CCSER1: variants seen among roughly 807,000 people sequenced by gnomAD.
CCSER1 encodes the protein coiled-coil serine rich protein 1.
Under a neutral mutation model 82.0 loss-of-function variants are expected in CCSER1, and 41 were observed. The observed-to-expected ratio is 0.50, with a 90% CI of 0.39 to 0.65. The LOEUF is 0.65. CCSER1 is among the 30% of genes least tolerant of loss of function. The pLI is 0.00. For missense variants in CCSER1, 1,119 were observed against 1,064.2 expected (o/e 1.05, Z -0.72); for synonymous variants, 414 against 383.9 (o/e 1.08, Z -0.92).
chr4:91,206,236 A>G (rs1397430629), intron 10 of CCSER1, among the ~76,000 whole-genome samples: 1 of 151,900 alleles, frequency 6.6e-6, no homozygotes, highest in Non-Finnish European at 1.5e-5. Context: ...TGTTTGCTCC[A>G]TCAAGAGAAG....
chr4:91,167,723 AC>A lies in CCSER1; in HGVS notation c.2217+81731del, dbSNP rs1253170259. ...GTGGCTCAGGGAATATATATGATTT[AC>A]CTAAATTTACACAGCTGATTTACAG... is the stretch of plus-strand genomic sequence containing the variant. On this transcript the variant is annotated intron_variant, in intron 10 of 10. Transcript: ENST00000509176. Among the ~76,000 whole-genome samples, 8 of 152,346 alleles carry A rather than the reference AC, an allele frequency of 5.3e-5. No individual in the cohort carries two copies. In the South Asian group the frequency reaches 6.2e-4, roughly 12 times the overall value.
At chr4:90,975,244 T>A (rs1172273077) in intron 9 of CCSER1, among the ~76,000 whole-genome samples, 1 of 151,188 alleles carries the variant, frequency 6.6e-6, no homozygotes, top group Admixed American at 6.6e-5. Flanking sequence ...TGATGGGTAT[T>A]GGGTTTATTT....
At chr4:91,429,342 A>C (rs1754164393) in intron 10 of CCSER1, among the ~76,000 whole-genome samples, 1 of 151,974 alleles carries the variant, frequency 6.6e-6, no homozygotes, top group Non-Finnish European at 1.5e-5. Context: ...TATATGATGG[A>C]ACAATAATCT....
At chr4:90,694,065 A>G (rs1356706070) in intron 6 of CCSER1, among the ~76,000 whole-genome samples, 1 of 151,982 alleles carries the variant, frequency 6.6e-6, no homozygotes, top group African/African-American at 2.4e-5. Context: ...TTTAAAATTT[A>G]TATTTGTTCT....
chr4:91,124,163 ATTG>A (rs1727313411), intron 10 of CCSER1, among the ~76,000 whole-genome samples: 1 of 151,706 alleles, frequency 6.6e-6, no homozygotes, highest in Non-Finnish European at 1.5e-5. Context: ...CTATATACTA[ATTG>A]TTAATTATTT....
intron 1 of CCSER1, among the ~76,000 whole-genome samples, chr4:90,249,047 A>G (rs1205064666): frequency 6.7e-6 from 1 of 149,208 alleles, no homozygotes; most frequent in East Asian, 2.0e-4. Context: ...CTGCAGTAGC[A>G]AATGTCTAGA....
intron 1 of CCSER1, among the ~76,000 whole-genome samples, chr4:90,250,136 G>A (rs1188096413): frequency 6.6e-6 from 1 of 152,014 alleles, no homozygotes; most frequent in Non-Finnish European, 1.5e-5. Flanking sequence ...TAGATAATTT[G>A]TTATTAGATC....
intron 10 of CCSER1, among the ~76,000 whole-genome samples, chr4:91,546,973 T>TA (rs886487692): frequency 1.6e-4 from 4 of 24,688 alleles, no homozygotes; most frequent in African/African-American, 4.8e-4. Flanking sequence ...TTGAGTTTTC[T>TA]TTTTTTTTTT....
At chr4:91,385,363 TAAC>T (rs1751217033) in intron 10 of CCSER1, among the ~76,000 whole-genome samples, 1 of 151,714 alleles carries the variant, frequency 6.6e-6, no homozygotes, top group African/African-American at 2.4e-5. Flanking sequence ...GAGGAGGAAA[TAAC>T]AATATGCATA....
At chr4:91,438,452 GA>G (rs1754840356) in intron 10 of CCSER1, among the ~76,000 whole-genome samples, 1 of 152,038 alleles carries the variant, frequency 6.6e-6, no homozygotes, top group African/African-American at 2.4e-5. Flanking sequence ...CTAACAAACA[GA>G]AAGGACATCC....
intron 10 of CCSER1, among the ~76,000 whole-genome samples, chr4:91,433,706 A>G (rs767013029): frequency 2.0e-5 from 3 of 152,206 alleles, no homozygotes; most frequent in Admixed American, 6.5e-5. Flanking sequence ...GCCACAGTCC[A>G]TCTAGGTTTG....
chr4:90,572,070 T>C (rs1279799035), intron 5 of CCSER1, among the ~76,000 whole-genome samples: 1 of 152,214 alleles, frequency 6.6e-6, no homozygotes, highest in Admixed American at 6.5e-5. Context: ...CTCATGGTGA[T>C]GAAGTCACTC....
At chr4:91,054,462 CCTT>C (rs749577540) in intron 9 of CCSER1, among the ~76,000 whole-genome samples, 7 of 151,928 alleles carry the variant, frequency 4.6e-5, no homozygotes, top group South Asian at 2.1e-4. Flanking sequence ...TATAAGCTGT[CCTT>C]CTTTGTCTTT....
At chr4:90,413,117 T>G (rs966580570) in intron 4 of CCSER1, among the ~76,000 whole-genome samples, 2 of 152,166 alleles carry the variant, frequency 1.3e-5, no homozygotes, top group African/African-American at 2.4e-5. Flanking sequence ...ACCAAATTAA[T>G]GTACACAAAT....
At chr4:90,433,853 A>G (rs1314685816) in intron 4 of CCSER1, among the ~76,000 whole-genome samples, 2 of 148,552 alleles carry the variant, frequency 1.3e-5, no homozygotes, top group African/African-American at 5.1e-5. Context: ...GATGTTCATA[A>G]TTTTGATTTC....
chr4:90,166,663 A>G (rs1033653700), intron 1 of CCSER1, among the ~76,000 whole-genome samples: 4 of 152,018 alleles, frequency 2.6e-5, no homozygotes, highest in Non-Finnish European at 4.4e-5. Flanking sequence ...AATTTTTACA[A>G]TGATAATCAG....
At chr4:91,065,612 T>A (rs1354368872) in intron 9 of CCSER1, among the ~76,000 whole-genome samples, 4 of 152,092 alleles carry the variant, frequency 2.6e-5, no homozygotes, top group Non-Finnish European at 5.9e-5. Flanking sequence ...TGGATTTAAT[T>A]TTTGTGTTAT....
intron 10 of CCSER1, among the ~76,000 whole-genome samples, chr4:91,123,010 A>G (rs904547560): frequency 6.6e-6 from 1 of 151,782 alleles, no homozygotes; most frequent in Admixed American, 6.6e-5. Flanking sequence ...AGGGCAGAAT[A>G]CTATTTCATT....
At chr4:91,520,100 A>G (rs1760373241) in intron 10 of CCSER1, among the ~76,000 whole-genome samples, 1 of 152,066 alleles carries the variant, frequency 6.6e-6, no homozygotes, top group Admixed American at 6.6e-5. Flanking sequence ...GTGTTCATCC[A>G]TTACTACCTT....
Sources: gnomAD v4.1 joint callset for allele counts (sites outside exome capture counted in the v4.1 genomes callset) on GRCh38, gnomAD v4.1.1 for gene constraint, MANE v1.5 for transcripts, NCBI Gene and HGNC (gene_info 2026-07-23, HGNC 2026-07-21) for gene names.